Variants in SYNE1 observed in about 807,000 individuals in gnomAD.
The protein encoded by SYNE1 is nesprin-1.
Under a neutral mutation model 1,111.0 loss-of-function variants are expected in SYNE1, and 616 were observed. The observed-to-expected ratio is 0.55, with a 90% CI of 0.52 to 0.59. The LOEUF (loss-of-function observed/expected upper bound fraction) is 0.59. Among genes scored for constraint, SYNE1 ranks in the 20% least tolerant of loss-of-function variants. The pLI is 0.00. For missense variants in SYNE1, 10,006 were observed against 10,417.0 expected, an observed-to-expected ratio of 0.96 and a Z score of 1.72; for synonymous variants, 3,855 against 3,825.8, an observed-to-expected ratio of 1.01 and a Z score of -0.28.
At chr6:152,443,438 G>A (rs1052067634) in intron 30 of SYNE1, among the ~76,000 whole-genome samples, 1 of 152,062 alleles carries the variant, frequency 6.6e-6, no homozygotes, top group Non-Finnish European at 1.5e-5. Context: ...CTAATTTTTT[G>A]TATATTTAGT....
Position 152,239,607 on chromosome 6 carries a change from C to T in SYNE1, c.19993G>A (p.Glu6665Lys), listed in dbSNP as rs776821221. The change falls in exon 108 of 146, where the codon GAG (glutamate) becomes AAG (lysine). Residue 6665 changes from glutamate to lysine, a missense_variant. Physicochemically the swap from Glu to Lys is moderately conservative, Grantham distance 56. Transcript: ENST00000367255. ...AVQKETQFHTELMAQASAVLK... is the reference protein window; with the variant it reads ...AVQKETQFHTKLMAQASAVLK... ...ACAGCAGAAGCCTGAGCCATCAGCT[C>T]TGTATGGAACTGGGTTTCCTTTTGG... The T allele has an allele frequency of 6.2e-7, 1 of 1,614,210 alleles. No individual in the cohort carries two copies. The highest frequency in any genetic ancestry group is 8.5e-7 in the Non-Finnish European group (1 of 1,180,050).
chr6:152,563,941 AT>A (rs141790737), intron 3 of SYNE1, among the ~76,000 whole-genome samples: 2 of 152,158 alleles, frequency 1.3e-5, no homozygotes, highest in East Asian at 1.9e-4. Flanking sequence ...GAATCACACC[AT>A]TTTTTTGAAA....
chr6:152,585,354 A>G (rs534584252), intron 3 of SYNE1, among the ~76,000 whole-genome samples: 1 of 152,374 alleles, frequency 6.6e-6, no homozygotes, highest in South Asian at 2.1e-4. Flanking sequence ...GTTGCAATTA[A>G]CAACTTTGTG....
chr6:152,474,442 A>G (rs1335149865), intron 14 of SYNE1, among the ~76,000 whole-genome samples: 3 of 152,214 alleles, frequency 2.0e-5, no homozygotes, highest in African/African-American at 7.2e-5. Flanking sequence ...CACTGCTGAG[A>G]GAGATTGAGT....
chr6:152,148,862 A>G lies in SYNE1; in HGVS notation c.24643-484T>C, dbSNP rs115557362. On this transcript the variant is annotated intron_variant, in intron 136 of 145. Transcript: ENST00000367255. This position sits in a 1 kb window ranked among gnomAD's most constrained non-coding sequence, Gnocchi z 4.1. ...ACACAACACCTACACACTGGCAAGG[A>G]TCGGAAATAAGAGCAAATTACTAAG... Among the ~76,000 whole-genome samples the G allele has an allele frequency of 5.1e-3, 784 of 152,306 alleles. 7 individuals carry two copies. Among genetic ancestry groups the G allele is most frequent in the African/African-American group, 0.016 (683 of 41,580 alleles).
At chr6:152,150,105 T>C (rs2060150245) in intron 135 of SYNE1, among the ~76,000 whole-genome samples, 1 of 152,222 alleles carries the variant, frequency 6.6e-6, no homozygotes, top group African/African-American at 2.4e-5. Flanking sequence ...ATGTCAAACA[T>C]GACTAAGAGA....
chr6:152,122,244 T>C lies in SYNE1; in HGVS notation c.*192A>G, dbSNP rs2051557417. The C allele has an allele frequency of 2.4e-6, 2 of 819,720 alleles. No individual in the cohort carries two copies. Among genetic ancestry groups the C allele is most frequent in the Non-Finnish European group, 3.9e-6 (2 of 517,784 alleles). The allele number at this position is 819,720 out of a possible 1,614,324, so 50.8% of individuals were successfully genotyped here. ...TTCTTCCAAACCTTCTTGTTGTCTG[T>C]TTGTTCCCCCGTCACTGTTTATCTT... On this transcript the variant is annotated 3_prime_UTR_variant, in exon 146 of 146. Transcript: ENST00000367255.
chr6:152,404,785 T>C (rs2097870215), intron 45 of SYNE1: 1 of 154,996 alleles, frequency 6.5e-6, no homozygotes, highest in African/African-American at 2.4e-5. Flanking sequence ...ATTTAAAGGA[T>C]ATTAAAGCAG....
chr6:152,286,530 A>G (rs954046272), intron 95 of SYNE1, among the ~76,000 whole-genome samples: 1 of 152,142 alleles, frequency 6.6e-6, no homozygotes, highest in African/African-American at 2.4e-5. Flanking sequence ...AAGTTTTTCT[A>G]GTGGGTTTAA....
intron 130 of SYNE1, among the ~76,000 whole-genome samples, chr6:152,168,536 G>T (rs2064252211): frequency 6.6e-6 from 1 of 152,224 alleles, no homozygotes; most frequent in Non-Finnish European, 1.5e-5. Flanking sequence ...CACACACTCT[G>T]CTGTTCTGTA....
In SYNE1 at chr6:152,515,734, G is replaced by A. The variant is rs1453983783; in HGVS notation, c.310-4631C>T. 2.0e-5 allele frequency among the ~76,000 whole-genome samples: 3 copies of A among 152,212 alleles called. No homozygotes were observed. In the East Asian group the frequency reaches 5.8e-4, roughly 29 times the overall value. ...TCTGCACTATGATGGTCAGTGGTTG[G>A]CTCTCTGTATTACTGTGCTGAATGA... is the stretch of plus-strand genomic sequence containing the variant. On this transcript the variant is annotated intron_variant, in intron 6 of 145. Transcript: ENST00000367255.
At chr6:152,415,478 CT>C (rs1390628109) in intron 41 of SYNE1, among the ~76,000 whole-genome samples, 1 of 152,160 alleles carries the variant, frequency 6.6e-6, no homozygotes, top group Non-Finnish European at 1.5e-5. Context: ...ACACCATTTT[CT>C]TTCCTCCAAC....
chr6:152,239,531 A>T lies in SYNE1; in HGVS notation c.20067+2T>A. ...CAGAAGATATGACATCAATGGTCTC[A>T]CCTCTAGAATGTACTCCAGCTCCAC... On this transcript the variant is annotated splice_donor_variant, in intron 108 of 145. Transcript: ENST00000367255. LOFTEE classifies it high-confidence loss of function. 6.2e-7 allele frequency: 1 copy of T among 1,614,084 alleles called. No individual in the cohort carries two copies. The highest frequency in any genetic ancestry group is 8.5e-7 in the Non-Finnish European group (1 of 1,179,996).
intron 58 of SYNE1, among the ~76,000 whole-genome samples, chr6:152,374,837 T>C (rs1233295882): frequency 1.3e-5 from 2 of 151,966 alleles, no homozygotes; most frequent in African/African-American, 2.4e-5. Flanking sequence ...TTCTCCAATA[T>C]AGAAAAATAG....
intron 91 of SYNE1, among the ~76,000 whole-genome samples, chr6:152,305,548 G>A (rs919457908): frequency 2.0e-5 from 3 of 152,150 alleles, no homozygotes; most frequent in African/African-American, 7.2e-5. Context: ...ACAAGTGTGA[G>A]CCACCACACC....
chr6:152,375,150 C>G (rs1488743022), intron 58 of SYNE1, among the ~76,000 whole-genome samples: 1 of 151,998 alleles, frequency 6.6e-6, no homozygotes, highest in Admixed American at 6.6e-5. Context: ...TCCATGTTGG[C>G]CAGGCTGGTC....
At chr6:152,371,930 C>CAGGAA (rs1563463633) in intron 59 of SYNE1, among the ~76,000 whole-genome samples, 7 of 37,026 alleles carry the variant, frequency 1.9e-4, no homozygotes, top group African/African-American at 5.4e-4. Context: ...AAGGACAGGA[C>CAGGAA]AGGACAGGAA....
Position 152,217,263 on chromosome 6 carries a change from G to GCT in SYNE1, c.22191+993_22191+994insAG, listed in dbSNP as rs2078966323. Among the ~76,000 whole-genome samples the GCT allele has an allele frequency of 2.0e-5, 3 of 150,856 alleles. No individual in the cohort carries two copies. The South Asian group carries it at 6.3e-4, about 32-fold the overall frequency. The stretch of plus-strand genomic sequence containing the variant: ...CAAAAAAAATTAGCCAGGCGTGGTG[G>GCT]ACAGTACCTGCAGTCCTAACTACTC... On this transcript the variant is annotated intron_variant, in intron 121 of 145. Transcript: ENST00000367255.
At chr6:152,152,725 A>T (rs1256711516) in intron 133 of SYNE1, among the ~76,000 whole-genome samples, 1 of 152,234 alleles carries the variant, frequency 6.6e-6, no homozygotes, top group Non-Finnish European at 1.5e-5. Flanking sequence ...TTTTAAGAAA[A>T]GTAATTTAGT....
Sources: allele counts gnomAD v4.1 joint callset (sites outside exome capture counted in the v4.1 genomes callset), GRCh38; gene constraint gnomAD v4.1.1; non-coding constraint Gnocchi (gnomAD v3.1); transcripts MANE v1.5; gene names NCBI Gene and HGNC (gene_info 2026-07-23, HGNC 2026-07-21).